The following TLR5 variants were observed in gnomAD, a reference collection of about 807,000 sequenced individuals.
TLR5 encodes toll like receptor 5.
For missense variants in TLR5, 944 were observed against 999.8 expected (o/e 0.94, Z 0.75); for synonymous variants, 373 against 384.4 (o/e 0.97, Z 0.35).
At chr1:223,113,897 T>C (rs1013565096) in intron 5 of TLR5, among the ~76,000 whole-genome samples, 1 of 152,258 alleles carries the variant, frequency 6.6e-6, no homozygotes, top group African/African-American at 2.4e-5. Flanking sequence ...ACCCCGTTCC[T>C]AGCCCACAGA....
In TLR5 at chr1:223,110,339, A is replaced by G. The variant is rs1282171080; in HGVS notation, c.*116T>C. On this transcript the variant is annotated 3_prime_UTR_variant, in exon 6 of 6. Transcript: ENST00000642603. ...AAATTGAGAGATTTATGTTGTTTTC[A>G]TAGTAGCAAAAAGAAAAAAAAAACC... The G allele has an allele frequency of 9.8e-7, 1 of 1,018,024 alleles. No individual in the cohort carries two copies. Among genetic ancestry groups the G allele is most frequent in the East Asian group, 2.4e-5 (1 of 42,138 alleles). 63.1% of individuals were successfully genotyped at this position (1,018,024 alleles called of 1,614,324 possible).
rs1156302002 is a variant in TLR5 at position 223,112,886 on chromosome 1, TC to T, written c.145del (p.Glu49ArgfsTer5). On this transcript the variant is annotated frameshift_variant, in exon 6 of 6. Coordinates refer to ENST00000642603, the MANE Select transcript of TLR5 (RefSeq NM_003268.6). LOFTEE classifies it low-confidence loss of function (END_TRUNC). Reference sequence around the variant, plus strand: ...ATAGTTGAAGCTCAGCAGGAGCCTCTCAGTGGTGTTGAGGACCTGGGGGACC... The same window carrying T: ...ATAGTTGAAGCTCAGCAGGAGCCTCTAGTGGTGTTGAGGACCTGGGGGACC... Reference protein sequence around the residue: ...TQVPQVLNTTERLLLSFNYIR... With the variant: ...TQVPQVLNTTXRLLLSFNYIR... 1 of 1,614,126 alleles carries T rather than the reference TC, an allele frequency of 6.2e-7. No individual in the cohort carries two copies. The highest frequency in any genetic ancestry group is 2.2e-5 in the East Asian group (1 of 44,874).
intron 3 of TLR5, 74 bp downstream of exon 3, chr1:223,137,104 T>A (rs1657645129): frequency 6.6e-6 from 1 of 152,228 alleles, no homozygotes; most frequent in South Asian, 2.1e-4. Context: ...ATTACAGGCG[T>A]GTGCCATTGT....
At chr1:223,116,228 C>T (rs1371637355) in intron 5 of TLR5, among the ~76,000 whole-genome samples, 1 of 152,158 alleles carries the variant, frequency 6.6e-6, no homozygotes, top group African/African-American at 2.4e-5. Context: ...TGGACCCTCA[C>T]GGTGAGTGTT....
intron 5 of TLR5, chr1:223,123,648 C>T (rs757882738): frequency 6.6e-6 from 1 of 152,244 alleles, no homozygotes; most frequent in African/African-American, 2.4e-5. Context: ...GTGTGTGCAG[C>T]GAGGCAGTTC....
chr1:223,116,578 G>T (rs114385569), intron 5 of TLR5, among the ~76,000 whole-genome samples: 7 of 152,138 alleles, frequency 4.6e-5, no homozygotes, highest in African/African-American at 1.7e-4. Context: ...AACCTTCCAC[G>T]GTGTGAAAGA....
chr1:223,133,025 G>T (rs1433860421), intron 4 of TLR5, among the ~76,000 whole-genome samples: 2 of 152,172 alleles, frequency 1.3e-5, no homozygotes, highest in Non-Finnish European at 2.9e-5. Context: ...CAGACAAAAT[G>T]GTCTTGCGGC....
chr1:223,111,999 A>G lies in TLR5; in HGVS notation c.1033T>C (p.Tyr345His). Residue 345 changes from tyrosine to histidine, a missense_variant, in exon 6 of 6, where the codon TAT becomes CAT. Tyr to His is a moderately conservative substitution (Grantham distance 83). Transcript: ENST00000642603. ...LDNLQVLNLSYNLLGELYSSN... is the reference protein window; with the variant it reads ...LDNLQVLNLSHNLLGELYSSN... ...CTGTAAAGTTCCCCCAGAAGGTTATATGACAAATTGAGAACTTGGAGGTTG... is the reference window on the plus strand; with the variant it reads ...CTGTAAAGTTCCCCCAGAAGGTTATGTGACAAATTGAGAACTTGGAGGTTG... 6.2e-7 allele frequency: 1 copy of G among 1,614,244 alleles called. No individual in the cohort carries two copies. Among genetic ancestry groups the G allele is most frequent in the Non-Finnish European group, 8.5e-7 (1 of 1,180,044 alleles).
intron 5 of TLR5, among the ~76,000 whole-genome samples, chr1:223,118,408 A>C (rs964611182): frequency 6.6e-6 from 1 of 151,964 alleles, no homozygotes; most frequent in Non-Finnish European, 1.5e-5. Context: ...TTAGCCAGGC[A>C]TGGTGGCGCA....
At chr1:223,142,841 G>A (rs567260690) in intron 1 of TLR5, among the ~76,000 whole-genome samples, 12 of 152,226 alleles carry the variant, frequency 7.9e-5, no homozygotes, top group Admixed American at 7.8e-4. Flanking sequence ...CACAGGGTGG[G>A]GGCGAGAGTG....
intron 3 of TLR5, among the ~76,000 whole-genome samples, chr1:223,135,792 T>C (rs1280464796): frequency 6.6e-6 from 1 of 152,210 alleles, no homozygotes; most frequent in Non-Finnish European, 1.5e-5. Flanking sequence ...AATGATGTTA[T>C]TAATGTACCG....
chr1:223,113,340 G>C (rs2102869577), intron 5 of TLR5, among the ~76,000 whole-genome samples: 1 of 152,122 alleles, frequency 6.6e-6, no homozygotes. Context: ...TGATTAGCTG[G>C]AACTACAGGC....
chr1:223,129,353 CCCACCGGTTCA>C (rs2102917049), intron 5 of TLR5: 1 of 152,572 alleles, frequency 6.6e-6, no homozygotes, highest in African/African-American at 2.4e-5. Flanking sequence ...GCAGAGTGAG[CCCACCGGTTCA>C]CCACGTTGCT....
chr1:223,117,557 G>A (rs1235562459), intron 5 of TLR5, among the ~76,000 whole-genome samples: 1 of 71,108 alleles, frequency 1.4e-5, no homozygotes, highest in Non-Finnish European at 2.5e-5. Context: ...GAAGCATGGT[G>A]TTCACAAAAA....
chr1:223,116,388 C>T (rs1025648934), intron 5 of TLR5, among the ~76,000 whole-genome samples: 8 of 151,934 alleles, frequency 5.3e-5, no homozygotes, highest in African/African-American at 1.2e-4. Flanking sequence ...CTTAAGGTGG[C>T]GCGTCTGGAG....
At chr1:223,129,893 C>T (rs932890565) in intron 5 of TLR5, among the ~76,000 whole-genome samples, 2 of 152,106 alleles carry the variant, frequency 1.3e-5, no homozygotes, top group Admixed American at 6.5e-5. Flanking sequence ...CACTGCAGAA[C>T]GGTTGATTTA....
At chr1:223,136,301 G>A (rs951079701) in intron 3 of TLR5, among the ~76,000 whole-genome samples, 40 of 152,308 alleles carry the variant, frequency 2.6e-4, no homozygotes, top group African/African-American at 8.7e-4. Flanking sequence ...GTGGTAACCC[G>A]AGTGGACCAG....
intron 4 of TLR5, among the ~76,000 whole-genome samples, chr1:223,133,309 T>C (rs1412373631): frequency 6.6e-6 from 1 of 152,244 alleles, no homozygotes. Flanking sequence ...TAGTTGTCAC[T>C]GTGACCTTTG....
chr1:223,133,838 C>A (rs1280701142), intron 4 of TLR5, among the ~76,000 whole-genome samples: 1 of 152,136 alleles, frequency 6.6e-6, no homozygotes, highest in African/African-American at 2.4e-5. Flanking sequence ...TCCCTAGAGA[C>A]CAGCAGAGGG....
Sources: allele counts gnomAD v4.1 joint callset (sites outside exome capture counted in the v4.1 genomes callset), GRCh38; gene constraint gnomAD v4.1.1; transcripts MANE v1.5; gene names NCBI Gene and HGNC (gene_info 2026-07-23, HGNC 2026-07-21).